CAMK1D: variants seen among roughly 807,000 people sequenced by gnomAD.
CAMK1D encodes the protein calcium/calmodulin dependent protein kinase ID, also known as calcium/calmodulin-dependent protein kinase type 1D.
CAMK1D carries 9 observed loss-of-function variants against 47.7 expected under a neutral mutation model. That is an observed-to-expected ratio of 0.19 (90% CI 0.11 to 0.33). The LOEUF (loss-of-function observed/expected upper bound fraction) is 0.33. Ranked by LOEUF, CAMK1D falls within the 10% of genes least tolerant of loss-of-function variation. The pLI is 1.00. For synonymous variants in CAMK1D, 184 were observed against 184.9 expected (o/e 0.99, Z 0.04); for missense variants, 291 against 488.7 (o/e 0.60, Z 3.81).
At chr10:12,423,778 G>A (rs1329371348) in intron 1 of CAMK1D, among the ~76,000 whole-genome samples, 2 of 152,214 alleles carry the variant, frequency 1.3e-5, no homozygotes, top group African/African-American at 4.8e-5. Flanking sequence ...CCAGGAATGC[G>A]TTAGCCTGAC....
rs188181676 is a variant in CAMK1D, at chr10:12,788,466, C to G, written c.566-2692C>G. On this transcript the variant is annotated intron_variant, in intron 5 of 10. Coordinates refer to ENST00000619168, the MANE Select transcript of CAMK1D (RefSeq NM_153498.4). ...GCCTCCACCCCCTAACTTAGCTCTT[C>G]CCTCCCAACACACGCTGTCAGCTCT... 7.2e-5 allele frequency among the ~76,000 whole-genome samples: 11 copies of G among 152,364 alleles called. No homozygotes were observed. The East Asian group carries it at 1.7e-3, about 24-fold the overall frequency.
At chr10:12,752,700 C>T (rs1475881954) in intron 3 of CAMK1D, among the ~76,000 whole-genome samples, 1 of 152,210 alleles carries the variant, frequency 6.6e-6, no homozygotes, top group Non-Finnish European at 1.5e-5. Context: ...AATTTGTCTT[C>T]ACGTTCTGAA....
rs572317881 is a variant in CAMK1D, at chr10:12,352,799, C to T, written c.92+2889C>T. Among the ~76,000 whole-genome samples the T allele has an allele frequency of 1.5e-3, 227 of 147,704 alleles. 3 individuals are homozygous for T. Among genetic ancestry groups the T allele is most frequent in the African/African-American group, 5.3e-3 (215 of 40,406 alleles). On this transcript the variant is annotated intron_variant, in intron 1 of 10. Coordinates refer to ENST00000619168, the MANE Select transcript of CAMK1D (RefSeq NM_153498.4). ...TTGCCCAGGCTGGAGTGCAGTGGCG[C>T]AATCTCGGCTCACTGCAAGCTCTGC...
chr10:12,469,213 A>G (rs902293364), intron 1 of CAMK1D, among the ~76,000 whole-genome samples: 8 of 152,058 alleles, frequency 5.3e-5, no homozygotes, highest in Non-Finnish European at 7.4e-5. Context: ...TCTGAATGGG[A>G]ACATGGCCTT....
intron 3 of CAMK1D, among the ~76,000 whole-genome samples, chr10:12,709,562 G>A (rs990633168): frequency 6.6e-6 from 1 of 152,186 alleles, no homozygotes; most frequent in African/African-American, 2.4e-5. Flanking sequence ...CTCAGAAACA[G>A]CAAGAAGCTT....
At chr10:12,633,843 C>T (rs1839444597) in intron 2 of CAMK1D, among the ~76,000 whole-genome samples, 1 of 152,198 alleles carries the variant, frequency 6.6e-6, no homozygotes, top group African/African-American at 2.4e-5. Flanking sequence ...AAGCGTCAGC[C>T]AACTTTCCCA....
intron 1 of CAMK1D, among the ~76,000 whole-genome samples, chr10:12,392,794 C>T (rs1159956365): frequency 1.3e-5 from 2 of 152,066 alleles, no homozygotes; most frequent in African/African-American, 4.8e-5. Flanking sequence ...AAAAGTCTCC[C>T]CAACCCCCTG....
intron 8 of CAMK1D, among the ~76,000 whole-genome samples, chr10:12,821,876 G>A (rs1833025075): frequency 6.6e-6 from 1 of 152,184 alleles, no homozygotes; most frequent in Non-Finnish European, 1.5e-5. Flanking sequence ...TCAAGAGGCT[G>A]AGGCAGGAGA....
intron 3 of CAMK1D, among the ~76,000 whole-genome samples, chr10:12,735,715 C>T (rs1312626194): frequency 2.0e-5 from 3 of 151,914 alleles, no homozygotes; most frequent in East Asian, 3.9e-4. Context: ...AACAGTAGGC[C>T]GAGATACAGA....
Position 12,784,967 on chromosome 10 carries a change from T to C in CAMK1D, c.566-6191T>C, listed in dbSNP as rs559968807. Among the ~76,000 whole-genome samples, 3 of 152,254 alleles carry C rather than the reference T, an allele frequency of 2.0e-5. No homozygotes were observed. The East Asian group carries it at 5.8e-4, about 29-fold the overall frequency. ...GGATTTATGCAGCAGTAAAGGGACA[T>C]TGGAGGTACAGAGGGAGTCAGAGGA... is the stretch of plus-strand genomic sequence containing the variant. On this transcript the variant is annotated intron_variant, in intron 5 of 10. Coordinates refer to ENST00000619168, the MANE Select transcript of CAMK1D (RefSeq NM_153498.4).
intron 1 of CAMK1D, among the ~76,000 whole-genome samples, chr10:12,510,152 C>A (rs944470031): frequency 6.6e-6 from 1 of 152,148 alleles, no homozygotes; most frequent in African/African-American, 2.4e-5. Flanking sequence ...GGGTTGCTCC[C>A]GTCTGTAATC....
intron 3 of CAMK1D, among the ~76,000 whole-genome samples, chr10:12,675,171 C>G (rs1840766664): frequency 6.6e-6 from 1 of 151,696 alleles, no homozygotes; most frequent in African/African-American, 2.4e-5. Context: ...AAGGATAAAT[C>G]AGAAATATTT....
chr10:12,716,499 T>A (rs1036872648), intron 3 of CAMK1D, among the ~76,000 whole-genome samples: 1 of 152,140 alleles, frequency 6.6e-6, no homozygotes, highest in African/African-American at 2.4e-5. Context: ...CTCAGAGTGG[T>A]GCATGGGAGA....
chr10:12,425,356 A>G (rs1840195501), intron 1 of CAMK1D, among the ~76,000 whole-genome samples: 1 of 146,654 alleles, frequency 6.8e-6, no homozygotes, highest in Non-Finnish European at 1.5e-5. Flanking sequence ...GTCTCGGCTC[A>G]CTGCAACTTC....
At chr10:12,568,589 C>T (rs1286224396) in intron 2 of CAMK1D, among the ~76,000 whole-genome samples, 1 of 146,440 alleles carries the variant, frequency 6.8e-6, no homozygotes, top group Admixed American at 7.0e-5. Flanking sequence ...CAGAGTCAGC[C>T]TTTTTCTTTT....
At chr10:12,599,437 T>G (rs956537959) in intron 2 of CAMK1D, among the ~76,000 whole-genome samples, 5 of 152,154 alleles carry the variant, frequency 3.3e-5, no homozygotes, top group Non-Finnish European at 5.9e-5. Context: ...TGTTGTGACC[T>G]CATCGTGCCC....
intron 1 of CAMK1D, among the ~76,000 whole-genome samples, chr10:12,489,127 AG>A (rs1441716233): frequency 6.6e-6 from 1 of 152,026 alleles, no homozygotes; most frequent in African/African-American, 2.4e-5. Context: ...TAGTAGAGAC[AG>A]GGAGTTTCAC....
At chr10:12,445,162 GGCCAGTC>G (rs1195453082) in intron 1 of CAMK1D, among the ~76,000 whole-genome samples, 1 of 152,088 alleles carries the variant, frequency 6.6e-6, no homozygotes, top group Non-Finnish European at 1.5e-5. Context: ...AATGCATGCC[GGCCAGTC>G]GTGCCCGAAT....
chr10:12,568,543 G>T (rs1837216818), intron 2 of CAMK1D, among the ~76,000 whole-genome samples: 1 of 101,206 alleles, frequency 9.9e-6, no homozygotes, highest in Non-Finnish European at 1.8e-5. Flanking sequence ...CTTTCTTCCT[G>T]GTTGCAGAGC....
Sources: allele counts gnomAD v4.1 joint callset (sites outside exome capture counted in the v4.1 genomes callset), GRCh38; gene constraint gnomAD v4.1.1; transcripts MANE v1.5; gene names NCBI Gene and HGNC (gene_info 2026-07-23, HGNC 2026-07-21).